ISY1: variants seen among roughly 807,000 people sequenced by gnomAD.
ISY1 encodes the protein ISY1 spliceosome associated protein.
In ISY1, 12 loss-of-function variants were observed where a neutral mutation model predicts 54.4. That is an observed-to-expected ratio of 0.22 (90% CI 0.14 to 0.36). The LOEUF (loss-of-function observed/expected upper bound fraction) is 0.36, where lower values mean the gene tolerates loss of function less well. Among genes scored for constraint, ISY1 ranks in the 10% least tolerant of loss-of-function variants. ISY1 has a pLI of 1.00. For missense variants in ISY1, 282 were observed against 342.2 expected (o/e 0.82, Z 1.39); for synonymous variants, 96 against 117.9 (o/e 0.81, Z 1.20).
At chr3:129,153,836 G>A (rs1937047414) in intron 5 of ISY1, among the ~76,000 whole-genome samples, 1 of 152,018 alleles carries the variant, frequency 6.6e-6, no homozygotes, top group Non-Finnish European at 1.5e-5. Context: ...CAGGCACTGT[G>A]GCTTACACCT....
At position 129,160,086 on chromosome 3, in the gene ISY1, C is replaced by T. The variant is rs570243746; in HGVS notation, c.3+887G>A. On this transcript the variant is annotated intron_variant, in intron 1 of 10. Coordinates refer to ENST00000393295, the MANE Select transcript of ISY1 (RefSeq NM_020701.4). ...TGTCGCCCAGGCTGGAGTGCAGTGGCGCGATCTCGGCTCACTGCAAACTCC... is the reference window on the plus strand; with the variant it reads ...TGTCGCCCAGGCTGGAGTGCAGTGGTGCGATCTCGGCTCACTGCAAACTCC... 3.2e-4 allele frequency among the ~76,000 whole-genome samples: 48 copies of T among 151,666 alleles called. 1 individual carries two copies. In the South Asian group the frequency reaches 8.0e-3, roughly 25 times the overall value.
intron 5 of ISY1, 139 bp from the exon 6 acceptor site, chr3:129,146,012 G>A: frequency 7.0e-6 from 5 of 714,188 alleles, no homozygotes; most frequent in African/African-American, 1.9e-5. Flanking sequence ...CATCTAAATT[G>A]ATAAGAAAAA....
At chr3:129,141,190 AAATT>A (rs1409584821) in intron 6 of ISY1, among the ~76,000 whole-genome samples, 1 of 98,614 alleles carries the variant, frequency 1.0e-5, no homozygotes, top group Non-Finnish European at 2.0e-5. Flanking sequence ...GGGCTGGAGT[AAATT>A]AAATAAATAA....
In ISY1 at chr3:129,140,518, TGTTA is replaced by T. The variant is rs377695484; in HGVS notation, c.301-37_301-34del. ...GGAAGAAAAAAAGAGAAAATGGATC[TGTTA>T]GTTAGTTAGTTAGTTATTATTTATT... is the stretch of plus-strand genomic sequence containing the variant. On this transcript the variant is annotated intron_variant, in intron 6 of 10. Transcript: ENST00000393295. The T allele has an allele frequency of 6.1e-3, 9,535 of 1,563,358 alleles. 43 individuals are homozygous for T. Among genetic ancestry groups the T allele is most frequent in the East Asian group, 0.02 (898 of 44,606 alleles).
chr3:129,150,953 T>A lies in ISY1; in HGVS notation c.188-5080A>T, dbSNP rs144956807. On this transcript the variant is annotated intron_variant, in intron 5 of 10. Coordinates refer to ENST00000393295, the MANE Select transcript of ISY1 (RefSeq NM_020701.4). ...CAGCCTAGCCAACATGGTGAAACTC[T>A]GTCTCTACTAAAAATACAAAAATCA... Among the ~76,000 whole-genome samples the A allele has an allele frequency of 3.6e-3, 536 of 150,768 alleles. 2 individuals are homozygous for A. The highest frequency in any genetic ancestry group is 0.013 in the African/African-American group (523 of 41,170).
chr3:129,145,266 C>A (rs1451242303), intron 6 of ISY1, among the ~76,000 whole-genome samples: 1 of 149,964 alleles, frequency 6.7e-6, no homozygotes, highest in African/African-American at 2.5e-5. Flanking sequence ...ACTCTGTCGC[C>A]CAGGCTGGAG....
At chr3:129,150,411 T>C (rs1299917105) in intron 5 of ISY1, among the ~76,000 whole-genome samples, 3 of 152,190 alleles carry the variant, frequency 2.0e-5, no homozygotes, top group African/African-American at 7.2e-5. Flanking sequence ...TGTATTTTGT[T>C]AGATTTATAC....
chr3:129,145,684 T>C (rs1936746963), intron 6 of ISY1, 77 bp downstream of exon 6: 16 of 1,419,518 alleles, frequency 1.1e-5, no homozygotes, highest in Non-Finnish European at 1.6e-5. Context: ...AAGCGACTAC[T>C]ATGGCAAGAA....
At chr3:129,143,029 T>C (rs1936667650) in intron 6 of ISY1, among the ~76,000 whole-genome samples, 2 of 151,930 alleles carry the variant, frequency 1.3e-5, no homozygotes, top group Non-Finnish European at 2.9e-5. Context: ...CACTCCAGCC[T>C]GGGTGACAGA....
At chr3:129,150,527 T>C (rs1324189742) in intron 5 of ISY1, among the ~76,000 whole-genome samples, 6 of 152,048 alleles carry the variant, frequency 3.9e-5, no homozygotes, top group Admixed American at 1.3e-4. Context: ...CTGGCTAACA[T>C]GGTGAAACCT....
chr3:129,156,017 G>A (rs947827856), intron 5 of ISY1, among the ~76,000 whole-genome samples: 28 of 151,542 alleles, frequency 1.8e-4, no homozygotes, highest in Admixed American at 6.6e-4. Context: ...TACTGCGCCC[G>A]GCCTCAAATA....
At chr3:129,154,759 G>C (rs1343685889) in intron 5 of ISY1, among the ~76,000 whole-genome samples, 1 of 148,652 alleles carries the variant, frequency 6.7e-6, no homozygotes, top group East Asian at 2.0e-4. Context: ...CGCGATCTCA[G>C]CTCACTGCAA....
At chr3:129,154,053 T>C (rs867792737) in intron 5 of ISY1, among the ~76,000 whole-genome samples, 21 of 151,616 alleles carry the variant, frequency 1.4e-4, no homozygotes, top group Middle Eastern at 3.2e-3. Flanking sequence ...CCATCCTGGC[T>C]AACACGGTGA....
In ISY1 at chr3:129,128,953, G is replaced by A. The variant is rs77470073; in HGVS notation, c.*1128C>T. On this transcript the variant is annotated 3_prime_UTR_variant, in exon 11 of 11. Coordinates refer to ENST00000393295, the MANE Select transcript of ISY1 (RefSeq NM_020701.4). ...CACTGTGTGCTTTCAGCAGGCCACG[G>A]TGCAGCCCACTGCAAGGAGCCCTGT... 6.6e-6 allele frequency: 1 copy of A among 152,450 alleles called. No homozygotes were observed. Among genetic ancestry groups the A allele is most frequent in the African/African-American group, 2.4e-5 (1 of 41,576 alleles). The allele number at this position is 152,450 out of a possible 1,614,324, so 9.4% of individuals were successfully genotyped here.
intron 7 of ISY1, among the ~76,000 whole-genome samples, chr3:129,135,323 G>A (rs1003893720): frequency 2.0e-4 from 30 of 152,106 alleles, no homozygotes; most frequent in Middle Eastern, 3.4e-3. Flanking sequence ...CAGCCTGGGC[G>A]ACAAAACAAG....
intron 5 of ISY1, among the ~76,000 whole-genome samples, chr3:129,154,161 G>C (rs1409556738): frequency 6.7e-6 from 1 of 149,236 alleles, no homozygotes; most frequent in Non-Finnish European, 1.5e-5. Context: ...AGAATGGCGT[G>C]AACCCCGGGG....
At chr3:129,147,625 T>C (rs1005411608) in intron 5 of ISY1, among the ~76,000 whole-genome samples, 2 of 152,166 alleles carry the variant, frequency 1.3e-5, no homozygotes, top group African/African-American at 2.4e-5. Flanking sequence ...ATTTTTTTTA[T>C]TGACTTTCCA....
chr3:129,129,229 A>G lies in ISY1; in HGVS notation c.*852T>C, dbSNP rs1221856307. ...TTTAATAAAAATAGGTTTCTGCAGA[A>G]CAGGTTATAAAACAGGAATAGCAAA... On this transcript the variant is annotated 3_prime_UTR_variant, in exon 11 of 11. Transcript: ENST00000393295. The G allele has an allele frequency of 6.6e-6, 1 of 152,228 alleles. No homozygotes were observed. Among genetic ancestry groups the G allele is most frequent in the East Asian group, 1.9e-4 (1 of 5,196 alleles). The allele number at this position is 152,228 out of a possible 1,614,324, so 9.4% of individuals were successfully genotyped here.
chr3:129,151,108 G>A (rs970046456), intron 5 of ISY1, among the ~76,000 whole-genome samples: 3 of 145,228 alleles, frequency 2.1e-5, no homozygotes, highest in South Asian at 2.1e-4. Flanking sequence ...GGTGACAGAG[G>A]AAGACTCTGT....
Sources: allele counts gnomAD v4.1 joint callset (sites outside exome capture counted in the v4.1 genomes callset), GRCh38; gene constraint gnomAD v4.1.1; transcripts MANE v1.5; gene names NCBI Gene and HGNC (gene_info 2026-07-23, HGNC 2026-07-21).